Variants in COL6A6 observed in about 807,000 individuals in gnomAD.
COL6A6 encodes the protein collagen alpha-6(VI) chain.
In COL6A6, 183 loss-of-function variants were observed where a neutral mutation model predicts 208.6. The ratio of observed to expected loss-of-function variants is 0.88; its 90% confidence interval spans 0.78 to 0.99. The LOEUF (loss-of-function observed/expected upper bound fraction) is 0.99, where lower values mean the gene tolerates loss of function less well. Among genes scored for constraint, COL6A6 ranks in the 50% least tolerant of loss-of-function variants. The pLI, the probability that COL6A6 is intolerant of heterozygous loss-of-function variation, is 0.00. For missense variants in COL6A6, 2,816 were observed against 2,815.2 expected, an observed-to-expected ratio of 1.00 and a Z score of -0.01; for synonymous variants, 973 against 1,011.8, an observed-to-expected ratio of 0.96 and a Z score of 0.73.
intron 8 of COL6A6, among the ~76,000 whole-genome samples, chr3:130,575,059 A>C (rs910112817): frequency 6.6e-6 from 1 of 152,176 alleles, no homozygotes; most frequent in Non-Finnish European, 1.5e-5. Flanking sequence ...TTAAAGGAGA[A>C]GTCACTTTTT....
At position 130,549,792 on chromosome 3, in the gene COL6A6, C is replaced by T. The variant is rs144578835; in HGVS notation, c.-31-10542C>T. Among the ~76,000 whole-genome samples, 778 of 152,188 alleles carry T rather than the reference C, an allele frequency of 5.1e-3. 7 individuals are homozygous for T. The highest frequency in any genetic ancestry group is 0.033 in the East Asian group (172 of 5,178). The stretch of plus-strand genomic sequence containing the variant: ...TACCATGCTGTTTTGGTTACTGTAG[C>T]CTTGTAGTATAGTTTGAAGTCAGGT... On this transcript the variant is annotated intron_variant, in intron 1 of 36. Coordinates refer to ENST00000358511, the MANE Select transcript of COL6A6 (RefSeq NM_001102608.3).
intron 23 of COL6A6, among the ~76,000 whole-genome samples, chr3:130,611,691 G>A (rs948282293): frequency 1.3e-5 from 2 of 152,216 alleles, no homozygotes; most frequent in African/African-American, 4.8e-5. Flanking sequence ...GAACCAGGCA[G>A]TCCAATATGT....
Position 130,665,056 on chromosome 3 carries a change from A to T in COL6A6, c.6556A>T (p.Asn2186Tyr). Residue 2186 changes from asparagine (N) to tyrosine (Y), a missense_variant, in exon 36 of 37, where the codon AAC (asparagine) becomes TAC (tyrosine). Physicochemically the swap from Asn to Tyr is moderately radical, Grantham distance 143. Coordinates refer to ENST00000358511, the MANE Select transcript of COL6A6 (RefSeq NM_001102608.3). ...CTTAAAAATAAAGTGCAACAGACTT[A>T]ACTCTATAGATCCAAAGCAGCCCCC... ...INLKIKCNRL[N>Y]SIDPKQPPRP... 6.2e-7 allele frequency: 1 copy of T among 1,610,820 alleles called. No homozygotes were observed. The highest frequency in any genetic ancestry group is 8.5e-7 in the Non-Finnish European group (1 of 1,178,482).
At chr3:130,624,127 A>T (rs189839097) in intron 24 of COL6A6, among the ~76,000 whole-genome samples, 1 of 152,258 alleles carries the variant, frequency 6.6e-6, no homozygotes, top group Admixed American at 6.5e-5. Flanking sequence ...CTTTAAGGGG[A>T]AGAAGAAGAC....
Position 130,649,222 on chromosome 3 carries a change from C to G in COL6A6, c.5393C>G (p.Ala1798Gly), listed in dbSNP as rs554895053. 1.8e-4 allele frequency: 293 copies of G among 1,591,250 alleles called. 2 individuals carry two copies. In the East Asian group the frequency reaches 6.5e-3, roughly 35 times the overall value. ...KVRENSCPVG[A>G]HIAILSYNSH... The stretch of plus-strand genomic sequence containing the variant: ...CGGGAGAACAGCTGCCCCGTGGGAG[C>G]GCACATCGCCATCCTCTCCTATAAC... The change falls in exon 33 of 37, where the codon GCG becomes GGG. Residue 1798 changes from alanine to glycine, a missense_variant. Transcript: ENST00000358511.
intron 8 of COL6A6, among the ~76,000 whole-genome samples, chr3:130,576,502 C>T (rs2107971622): frequency 1.3e-5 from 2 of 152,286 alleles, no homozygotes; most frequent in Admixed American, 1.3e-4. Flanking sequence ...ACATTAATTT[C>T]TTGTTTCATG....
chr3:130,607,044 G>C, intron 21 of COL6A6, 78 bp downstream of exon 21: 1 of 1,162,554 alleles, frequency 8.6e-7, no homozygotes, highest in Non-Finnish European at 1.2e-6. Context: ...TCTCTGTAAA[G>C]TCTCTAAACT....
rs550327678 is a variant in COL6A6 at position 130,653,345 on chromosome 3, C to T, written c.5733+3783C>T. On this transcript the variant is annotated intron_variant, in intron 33 of 36. Transcript: ENST00000358511. The stretch of plus-strand genomic sequence containing the variant: ...TATAGATGATTCTCATGATTAGAGA[C>T]AGAGTTGAAATGGGGGGAGACTTCT... 3.9e-5 allele frequency among the ~76,000 whole-genome samples: 6 copies of T among 152,234 alleles called. No homozygotes were observed. The East Asian group carries it at 9.6e-4, about 24-fold the overall frequency.
intron 28 of COL6A6, among the ~76,000 whole-genome samples, chr3:130,638,161 C>G (rs1265304025): frequency 6.6e-6 from 1 of 151,964 alleles, no homozygotes; most frequent in Non-Finnish European, 1.5e-5. Flanking sequence ...CCTTCACCCC[C>G]TCACTCACTC....
Position 130,664,996 on chromosome 3 carries a change from C to T in COL6A6, c.6503-7C>T. On this transcript the variant is annotated splice_polypyrimidine_tract_variant and splice_region_variant and intron_variant, in intron 35 of 36. Transcript: ENST00000358511. ...TACAAGACTTATCACAGACTTTTCT[C>T]TTCTAGGTGCAATCAACAAATATCC... is the stretch of plus-strand genomic sequence containing the variant. 1.9e-6 allele frequency: 3 copies of T among 1,567,636 alleles called. No homozygotes were observed. Among genetic ancestry groups the T allele is most frequent in the Non-Finnish European group, 1.7e-6 (2 of 1,145,782 alleles).
At chr3:130,620,911 A>T (rs912124165) in intron 23 of COL6A6, among the ~76,000 whole-genome samples, 26 of 152,220 alleles carry the variant, frequency 1.7e-4, no homozygotes, top group Admixed American at 9.2e-4. Flanking sequence ...ACCTGTAAAC[A>T]GTTGTACCAA....
Position 130,610,679 on chromosome 3 carries a change from GAA to G in COL6A6, c.4787_4788del (p.Lys1596ArgfsTer6), listed in dbSNP as rs1467496701. ...AAGAGGAGAGGCTGGTGTGAAAGGAGAAAAAGGAGGTGTGGGAAGTAAAGGTC... is the reference window on the plus strand; with the variant it reads ...AAGAGGAGAGGCTGGTGTGAAAGGAGAAAGGAGGTGTGGGAAGTAAAGGTC... ...GPRGEAGVKG[E>X]KGGVGSKGPQ... On this transcript the variant is annotated frameshift_variant, in exon 23 of 37. Transcript: ENST00000358511. LOFTEE classifies it high-confidence loss of function. 2 of 1,591,936 alleles carry G rather than the reference GAA, an allele frequency of 1.3e-6. No individual in the cohort carries two copies. Among genetic ancestry groups the G allele is most frequent in the Non-Finnish European group, 1.7e-6 (2 of 1,168,648 alleles).
At chr3:130,580,660 G>A (rs1413591341) in intron 8 of COL6A6, among the ~76,000 whole-genome samples, 1 of 152,168 alleles carries the variant, frequency 6.6e-6, no homozygotes. Flanking sequence ...AGAGTTTTTA[G>A]CCAAGTTAAA....
chr3:130,589,208 T>G, intron 12 of COL6A6, 26 bp downstream of exon 12: 1 of 1,543,214 alleles, frequency 6.5e-7, no homozygotes, highest in Non-Finnish European at 9.0e-7. Context: ...ATTTATGGGT[T>G]ACTTTGAGTT....
At position 130,662,126 on chromosome 3, in the gene COL6A6, G is replaced by A. The variant is rs114298837; in HGVS notation, c.6320G>A (p.Arg2107Gln). The change falls in exon 35 of 37, where the codon CGA becomes CAA. Residue 2107 changes from arginine to glutamine, a missense_variant. Physicochemically the swap from Arg to Gln is conservative, Grantham distance 43. Coordinates refer to ENST00000358511, the MANE Select transcript of COL6A6 (RefSeq NM_001102608.3). ...GAAATCTTAAAGAAGGAATCCTTGCGAGCCAAATGTCAGGGATATGCCTTA... is the reference window on the plus strand; with the variant it reads ...GAAATCTTAAAGAAGGAATCCTTGCAAGCCAAATGTCAGGGATATGCCTTA... Reference protein sequence around the residue: ...DGEILKKESLRAKCQGYALFV... With the variant: ...DGEILKKESLQAKCQGYALFV... 2.3e-4 allele frequency: 366 copies of A among 1,613,990 alleles called. No homozygotes were observed. Among genetic ancestry groups the A allele is most frequent in the African/African-American group, 5.3e-4 (40 of 75,044 alleles).
At chr3:130,621,358 G>A (rs146256961) in intron 23 of COL6A6, among the ~76,000 whole-genome samples, 6 of 152,232 alleles carry the variant, frequency 3.9e-5, no homozygotes, top group African/African-American at 1.4e-4. Context: ...TATGAACACT[G>A]TTTTAGTAAA....
intron 1 of COL6A6, among the ~76,000 whole-genome samples, chr3:130,527,595 C>T (rs139733599): frequency 6.6e-6 from 1 of 152,342 alleles, no homozygotes; most frequent in East Asian, 1.9e-4. Context: ...CTTTCCCAAG[C>T]AATGATCACA....
intron 1 of COL6A6, among the ~76,000 whole-genome samples, chr3:130,540,361 T>C (rs1161015847): frequency 6.6e-6 from 1 of 152,236 alleles, no homozygotes; most frequent in African/African-American, 2.4e-5. Flanking sequence ...CCAAAGTCCA[T>C]AATTTACATT....
chr3:130,578,475 G>A (rs937260728), intron 8 of COL6A6, among the ~76,000 whole-genome samples: 1 of 152,108 alleles, frequency 6.6e-6, no homozygotes, highest in African/African-American at 2.4e-5. Flanking sequence ...GGGAAAGGAG[G>A]GGAAAGTAAA....
Sources: gnomAD v4.1 joint callset for allele counts (sites outside exome capture counted in the v4.1 genomes callset) on GRCh38, gnomAD v4.1.1 for gene constraint, MANE v1.5 for transcripts, NCBI Gene and HGNC (gene_info 2026-07-23, HGNC 2026-07-21) for gene names.